C1orf105: variants seen among roughly 807,000 people sequenced by gnomAD.
The protein encoded by C1orf105 is uncharacterized protein C1orf105.
Under a neutral mutation model 20.8 loss-of-function variants are expected in C1orf105, and 17 were observed. The ratio of observed to expected loss-of-function variants is 0.82; its 90% CI spans 0.56 to 1.23. The LOEUF (loss-of-function observed/expected upper bound fraction) is 1.23, where lower values mean the gene tolerates loss of function less well. Ranked by LOEUF, C1orf105 falls within the 50% of genes most tolerant of loss-of-function variation. The pLI is 0.00. For missense variants in C1orf105, 219 were observed against 213.5 expected (o/e 1.03, Z -0.16); for synonymous variants, 72 against 72.1 (o/e 1.00, Z 0.01).
chr1:172,442,241 T>C, intron 1 of C1orf105: 2 of 1,613,960 alleles, frequency 1.2e-6, no homozygotes, highest in Non-Finnish European at 1.7e-6. Flanking sequence ...TAAGTGAAAG[T>C]AATGAAGACT....
Position 172,421,624 on chromosome 1 carries a change from C to T in C1orf105, c.21+718C>T, listed in dbSNP as rs148427521. On this transcript the variant is annotated intron_variant, in intron 1 of 6. Transcript: ENST00000367727. ...AACAGAAGCCTTCACTGATTGTTCT[C>T]CATGCACGAACATCAAATTTAACAA... Among the ~76,000 whole-genome samples, 1,244 of 152,258 alleles carry T rather than the reference C, an allele frequency of 8.2e-3. 10 individuals are homozygous for T. The highest frequency in any genetic ancestry group is 0.013 in the Non-Finnish European group (903 of 68,024).
intron 1 of C1orf105, among the ~76,000 whole-genome samples, chr1:172,421,418 G>A (rs1322316282): frequency 6.6e-6 from 1 of 152,060 alleles, no homozygotes; most frequent in Non-Finnish European, 1.5e-5. Context: ...CTATTTAAAG[G>A]GATATACTAG....
At chr1:172,434,845 C>A (rs2071986940) in intron 1 of C1orf105, among the ~76,000 whole-genome samples, 1 of 152,106 alleles carries the variant, frequency 6.6e-6, no homozygotes, top group Admixed American at 6.6e-5. Context: ...AATTGATAGA[C>A]CGCTAGCAAG....
chr1:172,447,175 A>G (rs1648104890), intron 2 of C1orf105, among the ~76,000 whole-genome samples: 1 of 152,226 alleles, frequency 6.6e-6, no homozygotes, highest in Non-Finnish European at 1.5e-5. Context: ...ACTTTGGGAG[A>G]AAGTTCTCAA....
chr1:172,459,928 G>A (rs1036852339), intron 4 of C1orf105, among the ~76,000 whole-genome samples: 1 of 152,128 alleles, frequency 6.6e-6, no homozygotes, highest in African/African-American at 2.4e-5. Flanking sequence ...ATTTTGCTAA[G>A]TAAAAGAAAC....
chr1:172,420,990 A>T (rs2071570845), intron 1 of C1orf105, 84 bp downstream of exon 1: 1 of 1,254,276 alleles, frequency 8.0e-7, no homozygotes, highest in East Asian at 2.5e-5. Context: ...AGGCCACATA[A>T]ACATTGAGGG....
intron 3 of C1orf105, chr1:172,452,865 T>A (rs1648804258): frequency 6.9e-7 from 1 of 1,444,698 alleles, no homozygotes; most frequent in African/African-American, 1.4e-5. Context: ...CTAGACCTGA[T>A]AAAACCAGAG....
At chr1:172,428,306 T>A (rs1449521382) in intron 1 of C1orf105, among the ~76,000 whole-genome samples, 3 of 152,208 alleles carry the variant, frequency 2.0e-5, no homozygotes, top group Non-Finnish European at 4.4e-5. Context: ...ACTCTTGCCC[T>A]ACAGCAACCA....
chr1:172,436,861 C>A (rs2072055716), intron 1 of C1orf105, among the ~76,000 whole-genome samples: 1 of 152,162 alleles, frequency 6.6e-6, no homozygotes, highest in Admixed American at 6.5e-5. Context: ...GGGCAAATAT[C>A]CAGAATCTAC....
Position 172,468,763 on chromosome 1 carries a change from C to A in C1orf105, c.*169C>A. The A allele has an allele frequency of 1.7e-6, 1 of 592,014 alleles. No individual in the cohort carries two copies. The highest frequency in any genetic ancestry group is 3.1e-5 in the Admixed American group (1 of 31,754). The allele number at this position is 592,014 out of a possible 1,614,324, so 36.7% of individuals were successfully genotyped here. A position where few individuals can be genotyped will look rare whatever the true frequency, so the allele number is the denominator to read the frequency against. The stretch of plus-strand genomic sequence containing the variant: ...TCTAGCTCTTACCTCTATGTTCTTT[C>A]TCACGTCTCCTAAAGACAAAATTGT... On this transcript the variant is annotated 3_prime_UTR_variant, in exon 7 of 7. Coordinates refer to ENST00000367727, the MANE Select transcript of C1orf105 (RefSeq NM_139240.4).
chr1:172,426,695 A>G (rs939210664), intron 1 of C1orf105, among the ~76,000 whole-genome samples: 1 of 151,336 alleles, frequency 6.6e-6, no homozygotes, highest in Non-Finnish European at 1.5e-5. Context: ...TCTATATCCT[A>G]TCTTTCTAGC....
intron 1 of C1orf105, among the ~76,000 whole-genome samples, chr1:172,421,961 C>T (rs997160377): frequency 6.6e-6 from 1 of 152,140 alleles, no homozygotes. Context: ...AGGAGAATTG[C>T]CCATCCCAGG....
intron 2 of C1orf105, among the ~76,000 whole-genome samples, chr1:172,447,202 C>G (rs979431096): frequency 6.6e-6 from 1 of 152,212 alleles, no homozygotes; most frequent in Non-Finnish European, 1.5e-5. Context: ...TTAAGCATTA[C>G]ATACCCTTGA....
chr1:172,422,200 C>A (rs1187908492), intron 1 of C1orf105, among the ~76,000 whole-genome samples: 1 of 152,182 alleles, frequency 6.6e-6, no homozygotes, highest in Non-Finnish European at 1.5e-5. Flanking sequence ...CCAGGCAACA[C>A]AGCTTATGGC....
intron 1 of C1orf105, among the ~76,000 whole-genome samples, chr1:172,432,908 T>G (rs181514714): frequency 9.2e-5 from 14 of 152,212 alleles, no homozygotes; most frequent in African/African-American, 3.4e-4. Flanking sequence ...ATAAACACCA[T>G]AGACAAGACC....
At chr1:172,441,520 G>A (rs1573852466) in intron 1 of C1orf105, 1 of 426,268 alleles carries the variant, frequency 2.3e-6, no homozygotes, top group East Asian at 3.5e-5. Context: ...TAATTCAAGA[G>A]GTCCCCAGAA....
intron 1 of C1orf105, chr1:172,430,160 T>C (rs1465011808): frequency 2.0e-6 from 1 of 499,700 alleles, no homozygotes; most frequent in African/African-American, 1.9e-5. Context: ...TCTAAAACTC[T>C]AAATCATTCA....
chr1:172,459,693 A>G (rs1279016318), intron 4 of C1orf105, among the ~76,000 whole-genome samples: 1 of 152,162 alleles, frequency 6.6e-6, no homozygotes, highest in Non-Finnish European at 1.5e-5. Context: ...CAGCAATTCC[A>G]TTCCTAGATA....
chr1:172,461,971 C>G (rs1210901970), intron 4 of C1orf105, among the ~76,000 whole-genome samples: 1 of 152,176 alleles, frequency 6.6e-6, no homozygotes, highest in Non-Finnish European at 1.5e-5. Flanking sequence ...TTTACTAAAT[C>G]TGTGTATCTA....
Sources: allele counts gnomAD v4.1 joint callset (sites outside exome capture counted in the v4.1 genomes callset), GRCh38; gene constraint gnomAD v4.1.1; transcripts MANE v1.5; gene names NCBI Gene and HGNC (gene_info 2026-07-23, HGNC 2026-07-21).